FBXO11: variants seen among roughly 807,000 people sequenced by gnomAD.
FBXO11 encodes F-box only protein 11.
In FBXO11, 13 loss-of-function variants were observed where a neutral mutation model predicts 117.0. That is an observed-to-expected ratio of 0.11 (90% CI 0.07 to 0.18). FBXO11 has a LOEUF of 0.18. FBXO11 is among the 10% of genes least tolerant of loss of function. FBXO11 has a pLI of 1.00. For missense variants in FBXO11, 767 were observed against 1,164.4 expected, an observed-to-expected ratio of 0.66 and a Z score of 4.97; for synonymous variants, 490 against 380.5, an observed-to-expected ratio of 1.29 and a Z score of -3.35.
At chr2:47,852,584 A>G (rs1282843804) in intron 1 of FBXO11, among the ~76,000 whole-genome samples, 1 of 152,178 alleles carries the variant, frequency 6.6e-6, no homozygotes, top group Non-Finnish European at 1.5e-5. Flanking sequence ...TCTAGATATG[A>G]TGTTTTTATT....
intron 1 of FBXO11, among the ~76,000 whole-genome samples, chr2:47,861,698 G>C (rs1674790560): frequency 6.6e-6 from 1 of 152,100 alleles, no homozygotes; most frequent in African/African-American, 2.4e-5. Flanking sequence ...AAGTTAACTT[G>C]CTTGGTTTTG....
At chr2:47,860,429 G>A (rs62139918) in intron 1 of FBXO11, among the ~76,000 whole-genome samples, 2 of 140,154 alleles carry the variant, frequency 1.4e-5, no homozygotes, top group South Asian at 4.3e-4. Context: ...TTTTTTTTTG[G>A]AGACAGAGTC....
intron 1 of FBXO11, among the ~76,000 whole-genome samples, chr2:47,895,752 G>T (rs60303023): frequency 0.054 from 8,171 of 152,148 alleles, 233 homozygotes; most frequent in Non-Finnish European, 0.067. Flanking sequence ...GAGTGCAGTG[G>T]CATGATCTGG....
chr2:47,856,597 A>T (rs2103700908), intron 1 of FBXO11, among the ~76,000 whole-genome samples: 1 of 152,376 alleles, frequency 6.6e-6, no homozygotes, highest in Non-Finnish European at 1.5e-5. Flanking sequence ...AACAGCTAGA[A>T]ATAATCTTTT....
chr2:47,832,924 T>C (rs1176593188), intron 8 of FBXO11, 40 bp downstream of exon 8: 1 of 1,605,422 alleles, frequency 6.2e-7, no homozygotes, highest in Non-Finnish European at 8.5e-7. Flanking sequence ...TTACTGCCTT[T>C]ATGATTTCAA....
chr2:47,854,916 T>C (rs1415910804), intron 1 of FBXO11, among the ~76,000 whole-genome samples: 2 of 151,892 alleles, frequency 1.3e-5, no homozygotes, highest in African/African-American at 2.4e-5. Flanking sequence ...TCATCAAACC[T>C]TTTATTAAGA....
intron 18 of FBXO11, chr2:47,812,762 G>C: frequency 5.0e-6 from 1 of 201,014 alleles, no homozygotes; most frequent in South Asian, 8.4e-5. Flanking sequence ...TTGCCTCAAT[G>C]CAAAGTGAGT....
At chr2:47,809,056 A>G (rs2104620231) in intron 21 of FBXO11, 102 bp downstream of exon 21, 10 of 667,488 alleles carry the variant, frequency 1.5e-5, no homozygotes, top group Non-Finnish European at 2.6e-5. Context: ...TCAGTTAGTT[A>G]TAGTCTCAAC....
At chr2:47,860,756 G>C (rs1315254332) in intron 1 of FBXO11, among the ~76,000 whole-genome samples, 1 of 149,762 alleles carries the variant, frequency 6.7e-6, no homozygotes, top group Non-Finnish European at 1.5e-5. Flanking sequence ...CTGCAGGAGA[G>C]AGAGAGAAAG....
Position 47,807,042 on chromosome 2 carries a change from T to TTAAG in FBXO11, c.*1072_*1075dup, listed in dbSNP as rs563242815. 3.4e-4 allele frequency: 209 copies of TTAAG among 615,152 alleles called. 2 individuals carry two copies. In the South Asian group the frequency reaches 3.4e-3, roughly 10 times the overall value. The allele number at this position is 615,152 out of a possible 1,614,324, so 38.1% of individuals were successfully genotyped here. A position where few individuals can be genotyped will look rare whatever the true frequency, so the allele number is the denominator to read the frequency against. ...TGGTTATTGAATACTCCACAATATA[T>TTAAG]TAAGTCTAGATGTTATGGTACATGC... On this transcript the variant is annotated 3_prime_UTR_variant, in exon 23 of 23. Transcript: ENST00000403359.
intron 1 of FBXO11, among the ~76,000 whole-genome samples, chr2:47,867,465 G>A (rs138862166): frequency 4.6e-5 from 7 of 152,262 alleles, no homozygotes; most frequent in African/African-American, 1.7e-4. Flanking sequence ...CTGTTCACAC[G>A]GCCCAATGAC....
At chr2:47,827,305 T>G (rs774766514) in intron 11 of FBXO11, among the ~76,000 whole-genome samples, 8 of 152,180 alleles carry the variant, frequency 5.3e-5, no homozygotes, top group Non-Finnish European at 1.0e-4. Context: ...TTCAAGATTT[T>G]TTTGTTTGTT....
intron 1 of FBXO11, among the ~76,000 whole-genome samples, chr2:47,884,975 T>C (rs956832987): frequency 4.6e-5 from 7 of 152,176 alleles, no homozygotes; most frequent in African/African-American, 1.7e-4. Context: ...AATGAGGAAA[T>C]ACATTCTGGT....
intron 1 of FBXO11, among the ~76,000 whole-genome samples, chr2:47,847,659 C>G (rs1388903193): frequency 6.6e-6 from 1 of 151,522 alleles, no homozygotes; most frequent in Non-Finnish European, 1.5e-5. Context: ...GCCAAGATCA[C>G]ACCCACTGCA....
chr2:47,879,673 C>CAATAATTTT (rs1386826823), intron 1 of FBXO11, among the ~76,000 whole-genome samples: 1 of 152,124 alleles, frequency 6.6e-6, no homozygotes, highest in African/African-American at 2.4e-5. Context: ...TTAAAATTAC[C>CAATAATTTT]AATAAGTTTT....
intron 11 of FBXO11, among the ~76,000 whole-genome samples, chr2:47,831,785 A>C (rs75961601): frequency 0.073 from 11,084 of 152,298 alleles, 568 homozygotes; most frequent in Non-Finnish European, 0.11. Flanking sequence ...ATATTCCATA[A>C]GGATGCCTAA....
At chr2:47,829,176 T>G (rs1267219214) in intron 11 of FBXO11, among the ~76,000 whole-genome samples, 1 of 152,046 alleles carries the variant, frequency 6.6e-6, no homozygotes, top group Non-Finnish European at 1.5e-5. Flanking sequence ...ATTACAGGCG[T>G]GACCCACTGC....
Position 47,905,523 on chromosome 2 carries a change from C to CGGCGGA in FBXO11, c.192_197dup (p.Pro65_Pro66dup). 2 of 1,232,928 alleles carry CGGCGGA rather than the reference C, an allele frequency of 1.6e-6. No homozygotes were observed. The highest frequency in any genetic ancestry group is 3.5e-5 in the East Asian group (1 of 28,608). 76.4% of individuals were successfully genotyped at this position (1,232,928 alleles called of 1,614,324 possible). ...CGACGTTGTTCCGCTCCTGAGGCAG[C>CGGCGGA]GGCGGAGGCGGCGGTGGCGGCGGCG... On this transcript the variant is annotated inframe_insertion, in exon 1 of 23. Coordinates refer to ENST00000403359, the MANE Select transcript of FBXO11 (RefSeq NM_001190274.2).
intron 14 of FBXO11, 68 bp downstream of exon 14, chr2:47,820,294 G>A: frequency 8.1e-7 from 1 of 1,240,730 alleles, no homozygotes; most frequent in Non-Finnish European, 1.1e-6. Flanking sequence ...CTAAAAGCTT[G>A]AGGAGAAACC....
Sources: gnomAD v4.1 joint callset for allele counts (sites outside exome capture counted in the v4.1 genomes callset) on GRCh38, gnomAD v4.1.1 for gene constraint, MANE v1.5 for transcripts, NCBI Gene and HGNC (gene_info 2026-07-23, HGNC 2026-07-21) for gene names.